The following MYO3A variants were observed in gnomAD, a reference collection of about 807,000 sequenced individuals.
MYO3A encodes the protein myosin-IIIa.
MYO3A carries 180 observed loss-of-function variants against 192.7 expected under a neutral mutation model. The observed-to-expected ratio is 0.93, with a 90% confidence interval of 0.83 to 1.06. The LOEUF (loss-of-function observed/expected upper bound fraction) is 1.06, where lower values mean the gene tolerates loss of function less well. Among genes scored for constraint, MYO3A ranks in the 50% least tolerant of loss-of-function variants. The pLI is 0.00. For missense variants in MYO3A, 1,896 were observed against 1,905.0 expected (o/e 1.00, Z 0.09); for synonymous variants, 628 against 645.3 (o/e 0.97, Z 0.41).
In MYO3A at chr10:26,212,014, C is replaced by CAGCAGGGGCCA. The variant is rs1564650813; in HGVS notation, c.*58_*68dup. On this transcript the variant is annotated 3_prime_UTR_variant, in exon 35 of 35. Coordinates refer to ENST00000642920, the MANE Select transcript of MYO3A (RefSeq NM_017433.5). ...TCGGAAGGCGCTGGAGCCTGCGGGG[C>CAGCAGGGGCCA]AGCAGGGGCCAAGCAGGCACTCTGG... is the stretch of plus-strand genomic sequence containing the variant. 1 of 1,593,184 alleles carries CAGCAGGGGCCA rather than the reference C, an allele frequency of 6.3e-7. No individual in the cohort carries two copies. The highest frequency in any genetic ancestry group is 1.1e-5 in the South Asian group (1 of 89,398).
chr10:26,181,293 A>C (rs1486378648), intron 31 of MYO3A, among the ~76,000 whole-genome samples: 1 of 152,208 alleles, frequency 6.6e-6, no homozygotes, highest in Non-Finnish European at 1.5e-5. Flanking sequence ...TGAACTGAGC[A>C]TTTCACAATC....
Position 26,161,914 on chromosome 10 carries a change from A to G in MYO3A, c.3000-4153A>G, listed in dbSNP as rs1841503477. Among the ~76,000 whole-genome samples the G allele has an allele frequency of 2.0e-5, 3 of 152,272 alleles. No individual in the cohort carries two copies. In the South Asian group the frequency reaches 6.2e-4, roughly 32 times the overall value. ...CAACAGCACATTATACATTCAGCAA[A>G]CGTTTAGTTGAGGGACCCACTGTGT... is the stretch of plus-strand genomic sequence containing the variant. On this transcript the variant is annotated intron_variant, in intron 26 of 34. Coordinates refer to ENST00000642920, the MANE Select transcript of MYO3A (RefSeq NM_017433.5).
intron 4 of MYO3A, among the ~76,000 whole-genome samples, chr10:25,991,472 A>G (rs975274267): frequency 2.0e-5 from 3 of 151,984 alleles, no homozygotes; most frequent in Non-Finnish European, 2.9e-5. Context: ...ATGCCTGTTC[A>G]CTCTGATGGT....
At chr10:25,975,679 AC>A (rs1257823694) in intron 4 of MYO3A, among the ~76,000 whole-genome samples, 3 of 152,250 alleles carry the variant, frequency 2.0e-5, no homozygotes, top group Non-Finnish European at 4.4e-5. Context: ...CAGAGTATTA[AC>A]AAATAAAATC....
intron 4 of MYO3A, among the ~76,000 whole-genome samples, chr10:25,976,640 G>GTC (rs1838980781): frequency 6.6e-6 from 1 of 152,012 alleles, no homozygotes; most frequent in Non-Finnish European, 1.5e-5. Flanking sequence ...CTACAGCTAG[G>GTC]GTAGAGAATT....
chr10:26,092,526 G>T (rs1048059627), intron 15 of MYO3A, among the ~76,000 whole-genome samples: 1 of 152,004 alleles, frequency 6.6e-6, no homozygotes, highest in Non-Finnish European at 1.5e-5. Context: ...TGGCCACTTC[G>T]TTGAAGATTC....
intron 20 of MYO3A, among the ~76,000 whole-genome samples, chr10:26,136,473 G>A (rs998595800): frequency 5.3e-5 from 8 of 152,152 alleles, no homozygotes; most frequent in African/African-American, 1.7e-4. Context: ...AAGATGTCAC[G>A]AGCCAAAGTC....
At chr10:26,171,230 T>A (rs547136934) in intron 29 of MYO3A, among the ~76,000 whole-genome samples, 1 of 152,156 alleles carries the variant, frequency 6.6e-6, no homozygotes, top group Non-Finnish European at 1.5e-5. Context: ...GTGGTGAAAC[T>A]TGAATTTATC....
At chr10:26,163,083 G>A (rs1841559278) in intron 26 of MYO3A, among the ~76,000 whole-genome samples, 1 of 152,232 alleles carries the variant, frequency 6.6e-6, no homozygotes. Flanking sequence ...GGAGCTCGGA[G>A]TGTCATGGAA....
At chr10:26,105,598 T>C (rs1270430749) in intron 17 of MYO3A, among the ~76,000 whole-genome samples, 1 of 152,140 alleles carries the variant, frequency 6.6e-6, no homozygotes, top group East Asian at 1.9e-4. Flanking sequence ...ATAGACATTA[T>C]ATGTTTCTAT....
chr10:25,993,403 C>A (rs1261159520), intron 4 of MYO3A, among the ~76,000 whole-genome samples: 2 of 151,824 alleles, frequency 1.3e-5, no homozygotes, highest in African/African-American at 4.9e-5. Context: ...TCTCTCTTTT[C>A]TTCTTTAATA....
chr10:26,205,737 C>G (rs1392562290), intron 34 of MYO3A, among the ~76,000 whole-genome samples: 2 of 150,972 alleles, frequency 1.3e-5, no homozygotes, highest in African/African-American at 4.9e-5. Context: ...CTGCCTCAGC[C>G]TCCCAAGTAG....
intron 14 of MYO3A, among the ~76,000 whole-genome samples, chr10:26,080,479 T>C (rs566282253): frequency 1.2e-4 from 18 of 151,772 alleles, no homozygotes; most frequent in Non-Finnish European, 2.1e-4. Context: ...CTTTCTCTGT[T>C]CCCTCCCTGA....
intron 2 of MYO3A, among the ~76,000 whole-genome samples, chr10:25,946,958 T>C (rs1474333748): frequency 2.0e-5 from 3 of 151,118 alleles, no homozygotes; most frequent in African/African-American, 7.3e-5. Flanking sequence ...TGCATGTCTT[T>C]CCTTAAATTT....
chr10:26,209,114 A>G (rs890970416), intron 34 of MYO3A, among the ~76,000 whole-genome samples: 1 of 152,208 alleles, frequency 6.6e-6, no homozygotes, highest in African/African-American at 2.4e-5. Context: ...TAACAGTAGC[A>G]GATAACAGAC....
At chr10:25,964,188 A>T (rs1838121711) in intron 4 of MYO3A, among the ~76,000 whole-genome samples, 2 of 152,150 alleles carry the variant, frequency 1.3e-5, no homozygotes, top group African/African-American at 4.8e-5. Flanking sequence ...ATTGTATATG[A>T]TTACTAAAAT....
intron 14 of MYO3A, among the ~76,000 whole-genome samples, chr10:26,079,565 TTTTG>T (rs1835795047): frequency 6.6e-6 from 1 of 152,120 alleles, no homozygotes; most frequent in Non-Finnish European, 1.5e-5. Context: ...GTACTTTTGA[TTTTG>T]TTTTTTTGTT....
At chr10:25,971,228 G>A (rs1838621694) in intron 4 of MYO3A, among the ~76,000 whole-genome samples, 1 of 151,994 alleles carries the variant, frequency 6.6e-6, no homozygotes, top group Admixed American at 6.6e-5. Flanking sequence ...TTCCTGCCTG[G>A]TGTGATTATT....
intron 21 of MYO3A, among the ~76,000 whole-genome samples, 170 bp from the exon 22 acceptor site, chr10:26,145,276 A>T (rs2131856230): frequency 6.6e-6 from 1 of 151,962 alleles, no homozygotes; most frequent in East Asian, 1.9e-4. Flanking sequence ...GAAATTAATG[A>T]TCTTGAGTTT....
Sources: gnomAD v4.1 joint callset for allele counts (sites outside exome capture counted in the v4.1 genomes callset) on GRCh38, gnomAD v4.1.1 for gene constraint, MANE v1.5 for transcripts, NCBI Gene and HGNC (gene_info 2026-07-23, HGNC 2026-07-21) for gene names.